TUBB2A: variants seen among roughly 807,000 people sequenced by gnomAD.
TUBB2A encodes tubulin beta 2A class IIa, also known as tubulin beta-2A chain.
Under a neutral mutation model 33.9 loss-of-function variants are expected in TUBB2A, and 7 were observed. That is an observed-to-expected ratio of 0.21 (90% CI 0.12 to 0.39). The LOEUF (loss-of-function observed/expected upper bound fraction) is 0.39, where lower values mean the gene tolerates loss of function less well. TUBB2A is among the 10% of genes least tolerant of loss of function. The pLI, the probability that TUBB2A is intolerant of heterozygous loss-of-function variation, is 1.00. For missense variants in TUBB2A, 80 were observed against 593.4 expected, an observed-to-expected ratio of 0.13 and a Z score of 8.99; for synonymous variants, 187 against 247.6, an observed-to-expected ratio of 0.76 and a Z score of 2.30.
In TUBB2A at chr6:3,155,902, C is replaced by T; in HGVS notation, c.166+142G>A. 1.4e-6 allele frequency: 2 copies of T among 1,469,668 alleles called. No individual in the cohort carries two copies. Among genetic ancestry groups the T allele is most frequent in the Non-Finnish European group, 1.8e-6 (2 of 1,095,128 alleles). The allele number at this position is 1,469,668 out of a possible 1,614,324, so 91.0% of individuals were successfully genotyped here. On this transcript the variant is annotated intron_variant, in intron 2 of 3. Transcript: ENST00000333628. The surrounding 1 kb of genome is among the most constrained non-coding windows in gnomAD (Gnocchi z 4.2). ...CAAACAGGCAGGAATCTTAGGAAAC[C>T]ATAAAACATGTTTTTCCAGCAGTTG...
Position 3,155,836 on chromosome 6 carries a change from G to GCAGAAAATCTCCTGTTCTC in TUBB2A, c.167-102_167-101insGAGAACAGGAGATTTTCTG. 7.5e-7 allele frequency: 1 copy of GCAGAAAATCTCCTGTTCTC among 1,340,834 alleles called. No individual in the cohort carries two copies. Among genetic ancestry groups the GCAGAAAATCTCCTGTTCTC allele is most frequent in the Non-Finnish European group, 1.0e-6 (1 of 975,166 alleles). 83.1% of individuals were successfully genotyped at this position (1,340,834 alleles called of 1,614,324 possible). Reference sequence around the variant, plus strand: ...ACAAAAGGAGAACAGGAGATTTTCTGCTTTTAAGAAAAAGGAGGTCCTGAG... The same window carrying GCAGAAAATCTCCTGTTCTC: ...ACAAAAGGAGAACAGGAGATTTTCTGCAGAAAATCTCCTGTTCTCCTTTTAAGAAAAAGGAGGTCCTGAG... On this transcript the variant is annotated intron_variant, in intron 2 of 3. Transcript: ENST00000333628. This position sits in a 1 kb window ranked among gnomAD's most constrained non-coding sequence, Gnocchi z 4.2.
In TUBB2A at chr6:3,155,199, T is replaced by C; in HGVS notation, c.278-276A>G. The stretch of plus-strand genomic sequence containing the variant: ...TTAATTGGTTCTGAAATACATACAT[T>C]TTTAAGAGGCATTCTCTTTATACTC... On this transcript the variant is annotated intron_variant, in intron 3 of 3. Transcript: ENST00000333628. The surrounding 1 kb of genome is among the most constrained non-coding windows in gnomAD (Gnocchi z 4.2). 1 of 830,430 alleles carries C rather than the reference T, an allele frequency of 1.2e-6. No homozygotes were observed. Among genetic ancestry groups the C allele is most frequent in the Non-Finnish European group, 1.8e-6 (1 of 552,382 alleles). 51.4% of individuals were successfully genotyped at this position (830,430 alleles called of 1,614,324 possible). A position where few individuals can be genotyped will look rare whatever the true frequency, so the allele number is the denominator to read the frequency against.
In TUBB2A at chr6:3,154,618, T is replaced by C; in HGVS notation, c.583A>G (p.Asn195Asp). The change falls in exon 4 of 4, where the codon AAC (asparagine) becomes GAC (aspartate). Residue 195 changes from asparagine (N) to aspartate (D), a missense_variant. Asn to Asp is a conservative substitution (Grantham distance 23, BLOSUM62 1). This residue lies in a region of TUBB2A where 25 missense variants were observed against 350.5 expected (regional missense o/e 0.07). Transcript: ENST00000333628. ...ATLSVHQLVE[N>D]TDETYSIDNE... The stretch of plus-strand genomic sequence containing the variant: ...TCAATGGAGTAGGTTTCATCTGTGT[T>C]TTCCACCAGCTGGTGGACAGAGAGG... 1 of 1,614,142 alleles carries C rather than the reference T, an allele frequency of 6.2e-7. No individual in the cohort carries two copies. The highest frequency in any genetic ancestry group is 8.5e-7 in the Non-Finnish European group (1 of 1,179,994).
At chr6:3,157,372 C>G in intron 1 of TUBB2A, 35 bp downstream of exon 1, 2 of 1,481,160 alleles carry the variant, frequency 1.4e-6, no homozygotes, top group Non-Finnish European at 1.8e-6. Flanking sequence ...CACCCTCGGT[C>G]CCAACCCCGG....
rs1384964155 is a variant in TUBB2A, at chr6:3,157,520, G to T, written c.-57C>A. On this transcript the variant is annotated 5_prime_UTR_variant, in exon 1 of 4. Coordinates refer to ENST00000333628, the MANE Select transcript of TUBB2A (RefSeq NM_001069.3). ...CTCGGAGCGGTGCGCGGCGTGGACCGGCGGGCTGGGCTGCGCAGAGACCTG... is the reference window on the plus strand; with the variant it reads ...CTCGGAGCGGTGCGCGGCGTGGACCTGCGGGCTGGGCTGCGCAGAGACCTG... 4 of 1,428,504 alleles carry T rather than the reference G, an allele frequency of 2.8e-6. No individual in the cohort carries two copies. The highest frequency in any genetic ancestry group is 1.5e-5 in the African/African-American group (1 of 67,124). The allele number at this position is 1,428,504 out of a possible 1,614,324, so 88.5% of individuals were successfully genotyped here. A position where few individuals can be genotyped will look rare whatever the true frequency, so the allele number is the denominator to read the frequency against.
At chr6:3,156,477 C>T (rs1762637289) in intron 1 of TUBB2A, among the ~76,000 whole-genome samples, 1 of 152,304 alleles carries the variant, frequency 6.6e-6, no homozygotes, top group East Asian at 1.9e-4. Context: ...GAGGCTGTGT[C>T]ACCCCAGGCA....
rs1259233652 is a variant in TUBB2A at position 3,154,564 on chromosome 6, G to A, written c.637C>T (p.Arg213Cys). ...DNEALYDICF[R>C]TLKLTTPTYG... ...GTGGGGGTGGTCAGCTTCAGGGTGC[G>A]GAAGCAGATGTCATACAGGGCCTCG... Residue 213 changes from arginine (R) to cysteine (C), a missense_variant, in exon 4 of 4, where the codon CGC (arginine) becomes TGC (cysteine). Arg to Cys is a radical substitution (Grantham distance 180). Transcript: ENST00000333628. The A allele has an allele frequency of 6.2e-7, 1 of 1,613,840 alleles. No individual in the cohort carries two copies. The highest frequency in any genetic ancestry group is 1.1e-5 in the South Asian group (1 of 91,038).
In TUBB2A at chr6:3,156,878, G is replaced by A. The variant is rs1207012569; in HGVS notation, c.57+529C>T. ...TCCCACACAGCGGTCGGTAATTGCA[G>A]CCCCCACCCAGCGCAGTCACCTGCC... is the stretch of plus-strand genomic sequence containing the variant. On this transcript the variant is annotated intron_variant, in intron 1 of 3. Coordinates refer to ENST00000333628, the MANE Select transcript of TUBB2A (RefSeq NM_001069.3). 3.3e-5 allele frequency among the ~76,000 whole-genome samples: 5 copies of A among 152,040 alleles called. No individual in the cohort carries two copies. The East Asian group carries it at 9.7e-4, about 29-fold the overall frequency.
chr6:3,155,120 T>A lies in TUBB2A; in HGVS notation c.278-197A>T. On this transcript the variant is annotated intron_variant, in intron 3 of 3. Coordinates refer to ENST00000333628, the MANE Select transcript of TUBB2A (RefSeq NM_001069.3). The surrounding 1 kb of genome is among the most constrained non-coding windows in gnomAD (Gnocchi z 4.2). ...CTGGGGATCATAATAAAGTAAGAAG[T>A]AAGTTTAGCTCATCTGAGGCTATTG... The A allele has an allele frequency of 7.1e-7, 1 of 1,399,082 alleles. No individual in the cohort carries two copies. Among genetic ancestry groups the A allele is most frequent in the Non-Finnish European group, 9.5e-7 (1 of 1,054,242 alleles). The allele number at this position is 1,399,082 out of a possible 1,614,324, so 86.7% of individuals were successfully genotyped here. A position where few individuals can be genotyped will look rare whatever the true frequency, so the allele number is the denominator to read the frequency against.
intron 1 of TUBB2A, among the ~76,000 whole-genome samples, chr6:3,156,802 C>A (rs374329827): frequency 6.6e-6 from 1 of 152,170 alleles, no homozygotes; most frequent in Non-Finnish European, 1.5e-5. Flanking sequence ...AAAGAGACCA[C>A]GTCCTTGTAC....
intron 1 of TUBB2A, among the ~76,000 whole-genome samples, chr6:3,156,768 T>A (rs1319303696): frequency 2.0e-5 from 3 of 151,628 alleles, no homozygotes; most frequent in African/African-American, 7.3e-5. Flanking sequence ...GCGGGGAGGC[T>A]GGGTGGGCAA....
At chr6:3,156,514 G>A (rs1762638085) in intron 1 of TUBB2A, among the ~76,000 whole-genome samples, 1 of 147,208 alleles carries the variant, frequency 6.8e-6, no homozygotes, top group Non-Finnish European at 1.5e-5. Context: ...CATCCGGGAT[G>A]ATTGATGGGT....
chr6:3,157,249 C>A (rs1276684320), intron 1 of TUBB2A, among the ~76,000 whole-genome samples, 158 bp downstream of exon 1: 2 of 152,186 alleles, frequency 1.3e-5, no homozygotes, highest in East Asian at 3.8e-4. Context: ...CTGCGGGCAT[C>A]CTGGCGGGTC....
chr6:3,155,998 A>T lies in TUBB2A; in HGVS notation c.166+46T>A. On this transcript the variant is annotated intron_variant, in intron 2 of 3. Coordinates refer to ENST00000333628, the MANE Select transcript of TUBB2A (RefSeq NM_001069.3). This position sits in a 1 kb window ranked among gnomAD's most constrained non-coding sequence, Gnocchi z 4.2. Reference sequence around the variant, plus strand: ...GTTCCTGGGACGTTTCATCTCCCACATCATGGAAAGCAAGGATTCCTGGGC... The same window carrying T: ...GTTCCTGGGACGTTTCATCTCCCACTTCATGGAAAGCAAGGATTCCTGGGC... 6.8e-7 allele frequency: 1 copy of T among 1,478,908 alleles called. No individual in the cohort carries two copies. Among genetic ancestry groups the T allele is most frequent in the Non-Finnish European group, 9.1e-7 (1 of 1,094,712 alleles). 91.6% of individuals were successfully genotyped at this position (1,478,908 alleles called of 1,614,324 possible).
intron 1 of TUBB2A, 37 bp downstream of exon 1, chr6:3,157,370 G>A (rs761562789): frequency 1.2e-5 from 17 of 1,477,774 alleles, no homozygotes; most frequent in Non-Finnish European, 4.5e-6. Context: ...CGCACCCTCG[G>A]TCCCAACCCC....
Position 3,157,427 on chromosome 6 carries a change from C to A in TUBB2A, c.37G>T (p.Gly13Cys). The change falls in exon 1 of 4, where the codon GGC becomes TGC. Residue 13 changes from glycine to cysteine, a missense_variant. Transcript: ENST00000333628. Reference sequence around the variant, plus strand: ...CCCACCTTGGCGCCGATCTGGTTGCCGCACTGGCCCGCCTGGATGTGCACG... The same window carrying A: ...CCCACCTTGGCGCCGATCTGGTTGCAGCACTGGCCCGCCTGGATGTGCACG... ...EIVHIQAGQC[G>C]NQIGAKFWEV... 1 of 1,545,340 alleles carries A rather than the reference C, an allele frequency of 6.5e-7. No homozygotes were observed. Among genetic ancestry groups the A allele is most frequent in the Non-Finnish European group, 8.7e-7 (1 of 1,151,994 alleles).
chr6:3,156,969 G>C (rs1273572086), intron 1 of TUBB2A, among the ~76,000 whole-genome samples: 1 of 152,252 alleles, frequency 6.6e-6, no homozygotes, highest in Admixed American at 6.5e-5. Context: ...GCCCGAGCAA[G>C]GGAATTTATC....
chr6:3,154,182 T>C lies in TUBB2A; in HGVS notation c.1019A>G (p.Tyr340Cys). ...MLNVQNKNSS[Y>C]FVEWIPNNVK... ...GTTGTTGGGGATCCACTCCACGAAG[T>C]AGCTGCTGTTCTTGTTCTGCACGTT... is the stretch of plus-strand genomic sequence containing the variant. Residue 340 changes from tyrosine to cysteine, a missense_variant, in exon 4 of 4, where the codon TAC becomes TGC. Tyr to Cys is a radical substitution (Grantham distance 194). Transcript: ENST00000333628. 1 of 806,644 alleles carries C rather than the reference T, an allele frequency of 1.2e-6. No individual in the cohort carries two copies. The highest frequency in any genetic ancestry group is 2.8e-5 in the East Asian group (1 of 35,914). The allele number at this position is 806,644 out of a possible 1,614,324, so 50.0% of individuals were successfully genotyped here.
Position 3,154,697 on chromosome 6 carries a change from G to A in TUBB2A, c.504C>T (p.Ser168=), listed in dbSNP as rs147339483. The change falls in exon 4 of 4, where the codon AGC becomes AGT. Residue 168 remains serine, a synonymous_variant. Transcript: ENST00000333628. ...CTGACACCTTGGGTGAGGGCATGAC[G>A]CTGAAGGTGTTCATGATGCGGTCTG... ...EYPDRIMNTF[S]VMPSPKVSDT... The A allele has an allele frequency of 1.1e-3, 1,755 of 1,612,650 alleles. 17 individuals carry two copies. The African/African-American group carries it at 0.02, about 19-fold the overall frequency.
Sources: gnomAD v4.1 joint callset for allele counts (sites outside exome capture counted in the v4.1 genomes callset) on GRCh38, gnomAD v4.1.1 for gene constraint, gnomAD v4.1.1 regional missense constraint, Gnocchi (gnomAD v3.1) non-coding constraint, MANE v1.5 for transcripts, NCBI Gene and HGNC (gene_info 2026-07-23, HGNC 2026-07-21) for gene names.